The following PDHX variants were observed in gnomAD, a reference collection of about 807,000 sequenced individuals.
PDHX encodes the protein pyruvate dehydrogenase complex component X, also known as pyruvate dehydrogenase protein X component, mitochondrial.
Under a neutral mutation model 55.3 loss-of-function variants are expected in PDHX, and 33 were observed. That is an observed-to-expected ratio of 0.60 (90% CI 0.45 to 0.80). The LOEUF is 0.80. Among genes scored for constraint, PDHX ranks in the 30% least tolerant of loss-of-function variants. PDHX has a pLI of 0.00. For missense variants in PDHX, 622 were observed against 619.9 expected (o/e 1.00, Z -0.04); for synonymous variants, 226 against 219.4 (o/e 1.03, Z -0.27).
intron 2 of PDHX, among the ~76,000 whole-genome samples, chr11:34,945,941 C>G (rs546639330): frequency 6.6e-6 from 1 of 152,186 alleles, no homozygotes; most frequent in African/African-American, 2.4e-5. Flanking sequence ...ATCTCCAGTT[C>G]TGGGAAATTC....
At chr11:34,992,819 CATTCTTATT>C (rs1200071882) in intron 10 of PDHX, among the ~76,000 whole-genome samples, 3 of 152,128 alleles carry the variant, frequency 2.0e-5, no homozygotes, top group Admixed American at 6.6e-5. Context: ...GTGCTATGAA[CATTCTTATT>C]AGTGTCTTAT....
At chr11:34,956,676 G>A (rs904544374) in intron 3 of PDHX, among the ~76,000 whole-genome samples, 1 of 151,474 alleles carries the variant, frequency 6.6e-6, no homozygotes, top group Admixed American at 6.6e-5. Context: ...TTTTATTTAA[G>A]TGTTTAATTG....
At chr11:34,918,035 T>C (rs1395510894) in intron 1 of PDHX, among the ~76,000 whole-genome samples, 4 of 152,208 alleles carry the variant, frequency 2.6e-5, no homozygotes, top group Non-Finnish European at 5.9e-5. Context: ...AAGTTTAGTA[T>C]TGGATATAAT....
In PDHX at chr11:34,966,744, C is replaced by A; in HGVS notation, c.746C>A (p.Ala249Asp). 1 of 1,614,130 alleles carries A rather than the reference C, an allele frequency of 6.2e-7. No individual in the cohort carries two copies. Among genetic ancestry groups the A allele is most frequent in the Non-Finnish European group, 8.5e-7 (1 of 1,179,988 alleles). Reference sequence around the variant, plus strand: ...CCCACAGCACCTTCGCCCCTACAGGCCACAGCTGGACCATCTTATCCCCGG... The same window carrying A: ...CCCACAGCACCTTCGCCCCTACAGGACACAGCTGGACCATCTTATCCCCGG... ...ATPTAPSPLQ[A>D]TAGPSYPRPV... The change falls in exon 6 of 11, where the codon GCC (alanine) becomes GAC (aspartate). Residue 249 changes from alanine (A) to aspartate (D), a missense_variant. Coordinates refer to ENST00000227868, the MANE Select transcript of PDHX (RefSeq NM_003477.3).
chr11:34,980,352 CT>C lies in PDHX; in HGVS notation c.1023+2184del, dbSNP rs57927359. ...TTTTTAATAAGGTTTAAGATAGTTT[CT>C]TTTTTTTTTTTTTGAGCAGCAGCAA... is the stretch of plus-strand genomic sequence containing the variant. On this transcript the variant is annotated intron_variant, in intron 8 of 10. Transcript: ENST00000227868. 2.0e-3 allele frequency among the ~76,000 whole-genome samples: 149 copies of C among 74,858 alleles called. 15 individuals carry two copies. The Middle Eastern group carries it at 0.033, about 17-fold the overall frequency. The allele number at this position is 74,858 out of a possible 152,430, so 49.1% of individuals were successfully genotyped here.
At position 34,984,743 on chromosome 11, in the gene PDHX, A is replaced by AT. The variant is rs761024484; in HGVS notation, c.1182+15_1182+16insT. ...ACTCTGTAAAGGTATGTCTTAAGAA[A>AT]GAGTGTGCTTTCAAAATGTTAGCAT... On this transcript the variant is annotated intron_variant, in intron 9 of 10. Coordinates refer to ENST00000227868, the MANE Select transcript of PDHX (RefSeq NM_003477.3). 2 of 1,612,202 alleles carry AT rather than the reference A, an allele frequency of 1.2e-6. No individual in the cohort carries two copies. The highest frequency in any genetic ancestry group is 1.7e-6 in the Non-Finnish European group (2 of 1,178,298).
intron 3 of PDHX, among the ~76,000 whole-genome samples, chr11:34,956,519 T>C (rs1854908910): frequency 6.6e-6 from 1 of 152,158 alleles, no homozygotes; most frequent in South Asian, 2.1e-4. Flanking sequence ...GACATTTTCT[T>C]CCAGGAGTGA....
chr11:34,959,731 GAAGGAAATTCTGATA>G (rs1365120800), intron 4 of PDHX, among the ~76,000 whole-genome samples: 1 of 152,036 alleles, frequency 6.6e-6, no homozygotes, highest in Non-Finnish European at 1.5e-5. Flanking sequence ...AGCTTTTTAG[GAAGGAAATTCTGATA>G]AATGCTGCAT....
At chr11:34,990,060 C>G (rs1855726871) in intron 9 of PDHX, among the ~76,000 whole-genome samples, 1 of 152,130 alleles carries the variant, frequency 6.6e-6, no homozygotes, top group African/African-American at 2.4e-5. Flanking sequence ...CCAAGGATGC[C>G]ACTGTGGGGG....
Position 34,995,049 on chromosome 11 carries a change from G to A in PDHX, c.1383G>A (p.Leu461=). The A allele has an allele frequency of 6.2e-7, 1 of 1,614,090 alleles. No individual in the cohort carries two copies. Among genetic ancestry groups the A allele is most frequent in the Non-Finnish European group, 8.5e-7 (1 of 1,179,950 alleles). The change falls in exon 11 of 11, where the codon CTG becomes CTA. Residue 461 remains leucine, a synonymous_variant. Coordinates refer to ENST00000227868, the MANE Select transcript of PDHX (RefSeq NM_003477.3). The stretch of plus-strand genomic sequence containing the variant: ...AGGATGAAGAGGGAAATGCCAAACT[G>A]CAGCAGCGCCAGCTCATAACAGTCA... ...LTEDEEGNAK[L]QQRQLITVTM... is the part of the protein sequence containing the mutation.
intron 7 of PDHX, among the ~76,000 whole-genome samples, chr11:34,976,339 T>C (rs1276237410): frequency 6.6e-6 from 1 of 152,202 alleles, no homozygotes; most frequent in East Asian, 1.9e-4. Context: ...ACAAACTGTT[T>C]TCTACTCAGT....
intron 8 of PDHX, among the ~76,000 whole-genome samples, chr11:34,981,263 T>C (rs1197645877): frequency 6.6e-6 from 1 of 152,150 alleles, no homozygotes; most frequent in Non-Finnish European, 1.5e-5. Context: ...TGGTTTTTTG[T>C]CCTTGAGGTA....
intron 1 of PDHX, among the ~76,000 whole-genome samples, chr11:34,926,942 T>C (rs1854037661): frequency 6.6e-6 from 1 of 152,126 alleles, no homozygotes; most frequent in Non-Finnish European, 1.5e-5. Context: ...ATTGCTCATG[T>C]AGCAGAAATG....
At chr11:34,916,097 G>A (rs890108854), upstream of PDHX, 6 of 1,230,688 alleles carry the variant, frequency 4.9e-6, no homozygotes, top group African/African-American at 1.6e-5. Flanking sequence ...CCGGGGTAGC[G>A]AACGGCCAGG....
chr11:34,947,668 T>G lies in PDHX; in HGVS notation c.342+62T>G, dbSNP rs1854657058. The G allele has an allele frequency of 1.1e-5, 12 of 1,068,914 alleles. No individual in the cohort carries two copies. In the South Asian group the frequency reaches 1.5e-4, roughly 13 times the overall value. The allele number at this position is 1,068,914 out of a possible 1,614,324, so 66.2% of individuals were successfully genotyped here. On this transcript the variant is annotated intron_variant, in intron 3 of 10. Coordinates refer to ENST00000227868, the MANE Select transcript of PDHX (RefSeq NM_003477.3). ...GATTTCTTGAGTGGAAAGTTCATTGTAGTAAAATTACCTTTTATTTTTGCC... is the reference window on the plus strand; with the variant it reads ...GATTTCTTGAGTGGAAAGTTCATTGGAGTAAAATTACCTTTTATTTTTGCC...
In PDHX at chr11:34,952,706, T is replaced by C. The variant is rs1281269845; in HGVS notation, c.343-4678T>C. Among the ~76,000 whole-genome samples, 6 of 151,306 alleles carry C rather than the reference T, an allele frequency of 4.0e-5. No homozygotes were observed. The East Asian group carries it at 1.2e-3, about 29-fold the overall frequency. On this transcript the variant is annotated intron_variant, in intron 3 of 10. Coordinates refer to ENST00000227868, the MANE Select transcript of PDHX (RefSeq NM_003477.3). ...GGATGTATCTCAAAATAATAAGAGC[T>C]ATCTATGACAAACCCACAGCCAATA...
intron 4 of PDHX, among the ~76,000 whole-genome samples, chr11:34,958,271 G>A (rs753417652): frequency 4.6e-5 from 7 of 151,988 alleles, no homozygotes; most frequent in Non-Finnish European, 4.4e-5. Context: ...ATCATTGTCA[G>A]AAAAGAATCC....
At chr11:34,982,826 C>T (rs906248109) in intron 8 of PDHX, among the ~76,000 whole-genome samples, 2 of 152,114 alleles carry the variant, frequency 1.3e-5, no homozygotes, top group African/African-American at 4.8e-5. Flanking sequence ...GGATTCACAG[C>T]CGAATTCTAC....
At chr11:34,939,694 T>G (rs1485671306) in intron 2 of PDHX, among the ~76,000 whole-genome samples, 1 of 152,206 alleles carries the variant, frequency 6.6e-6, no homozygotes, top group Non-Finnish European at 1.5e-5. Context: ...TCATTTTTAT[T>G]TTCTTTTTTT....
Sources: gnomAD v4.1 joint callset for allele counts (sites outside exome capture counted in the v4.1 genomes callset) on GRCh38, gnomAD v4.1.1 for gene constraint, MANE v1.5 for transcripts, NCBI Gene and HGNC (gene_info 2026-07-23, HGNC 2026-07-21) for gene names.